Variants in ASPHD1 observed in about 807,000 individuals in gnomAD.
ASPHD1 encodes aspartate beta-hydroxylase domain-containing protein 1.
ASPHD1 carries 20 observed loss-of-function variants against 28.3 expected under a neutral mutation model. That is an observed-to-expected ratio of 0.71 (90% CI 0.50 to 1.03). The LOEUF is 1.03. ASPHD1 is among the 50% of genes least tolerant of loss of function. The probability of loss-of-function intolerance (pLI) is 0.00; values close to 1 mark genes in which losing one functional copy is unlikely to be tolerated. For synonymous variants in ASPHD1, 240 were observed against 221.2 expected, an observed-to-expected ratio of 1.08 and a Z score of -0.75; for missense variants, 479 against 524.1, an observed-to-expected ratio of 0.91 and a Z score of 0.84.
chr16:29,908,217 C>T (rs2068646575), downstream of ASPHD1, among the ~76,000 whole-genome samples: 1 of 152,032 alleles, frequency 6.6e-6, no homozygotes, highest in Non-Finnish European at 1.5e-5. Flanking sequence ...GTCAGGAGTG[C>T]ACCCAGTGTC....
At chr16:29,908,679 C>T (rs1459452108), downstream of ASPHD1, among the ~76,000 whole-genome samples, 2 of 149,084 alleles carry the variant, frequency 1.3e-5, no homozygotes, top group Admixed American at 6.7e-5. Context: ...CCACCATGCC[C>T]GGCCTTTTTT....
downstream of ASPHD1, chr16:29,906,173 A>G (rs1449427567): frequency 5.2e-6 from 1 of 193,998 alleles, no homozygotes; most frequent in Non-Finnish European, 9.5e-6. Context: ...TTGTAGAGTC[A>G]GGGTCTTGCT....
intron 2 of ASPHD1, among the ~76,000 whole-genome samples, chr16:29,905,581 T>C (rs529276128): frequency 6.9e-6 from 1 of 144,452 alleles, no homozygotes; most frequent in East Asian, 2.0e-4. Context: ...TGAGCCGAAA[T>C]TGCGCCACTG....
chr16:29,906,214 G>A (rs932632476), downstream of ASPHD1: 12 of 196,544 alleles, frequency 6.1e-5, no homozygotes, highest in Non-Finnish European at 1.0e-4. Flanking sequence ...GAACTCCTGG[G>A]CTCAAGTGAT....
intron 1 of ASPHD1, among the ~76,000 whole-genome samples, chr16:29,903,259 G>A (rs545355760): frequency 1.3e-4 from 20 of 151,962 alleles, no homozygotes; most frequent in Non-Finnish European, 2.6e-4. Flanking sequence ...GGGAGGCCGA[G>A]GCAGGAGAAT....
rs1421414480 is a variant in ASPHD1 at position 29,905,777 on chromosome 16, A to G, written c.1064-11A>G. The G allele has an allele frequency of 1.2e-6, 2 of 1,609,666 alleles. No homozygotes were observed. Among genetic ancestry groups the G allele is most frequent in the Non-Finnish European group, 1.7e-6 (2 of 1,176,612 alleles). ...TCAGTGGCTCTGCTGTTCCTGTCCC[A>G]TGTGCCCTAGGCTCCCCCGAAGATG... On this transcript the variant is annotated splice_polypyrimidine_tract_variant and intron_variant, in intron 2 of 2. Transcript: ENST00000308748.
At chr16:29,918,861 T>C (rs573000570) in intron 3 of ASPHD1, among the ~76,000 whole-genome samples, 38 of 152,296 alleles carry the variant, frequency 2.5e-4, no homozygotes, top group African/African-American at 8.4e-4. Flanking sequence ...GGTTTCACCA[T>C]GTTGGCCAGG....
chr16:29,905,101 G>A (rs572687413), intron 2 of ASPHD1, 136 bp downstream of exon 2: 1 of 616,780 alleles, frequency 1.6e-6, no homozygotes, highest in East Asian at 3.0e-5. Context: ...CCTTGAACAA[G>A]CCGCATAACT....
At position 29,905,613 on chromosome 16, in the gene ASPHD1, C is replaced by G. The variant is rs2068598450; in HGVS notation, c.1064-175C>G. 3.7e-5 allele frequency among the ~76,000 whole-genome samples: 4 copies of G among 108,976 alleles called. No homozygotes were observed. The South Asian group carries it at 1.2e-3, about 33-fold the overall frequency. The allele number at this position is 108,976 out of a possible 152,430, so 71.5% of individuals were successfully genotyped here. A position where few individuals can be genotyped will look rare whatever the true frequency, so the allele number is the denominator to read the frequency against. ...ACTGCACTCCAGCCTGGTGACAGAG[C>G]AAGACTCCATCTCAGGAAAAAAAAA... is the stretch of plus-strand genomic sequence containing the variant. On this transcript the variant is annotated intron_variant, in intron 2 of 2. Transcript: ENST00000308748.
intron 2 of ASPHD1, 127 bp from the exon 3 acceptor site, chr16:29,905,661 T>TTA: frequency 2.7e-6 from 1 of 374,896 alleles, no homozygotes; most frequent in Non-Finnish European, 4.9e-6. Flanking sequence ...AAAGATTTGA[T>TTA]ACATTTAAAG....
In ASPHD1 at chr16:29,901,782, G is replaced by C; in HGVS notation, c.811G>C (p.Ala271Pro). 1 of 1,558,382 alleles carries C rather than the reference G, an allele frequency of 6.4e-7. No homozygotes were observed. Among genetic ancestry groups the C allele is most frequent in the East Asian group, 2.3e-5 (1 of 43,776 alleles). ...QPSNCRRCPGAYRALRGLRSF... is the reference protein window; with the variant it reads ...QPSNCRRCPGPYRALRGLRSF... ...CAGCAACTGCCGCCGGTGCCCGGGGGCCTATCGGGCACTGAGGGGGCTTCG... is the reference window on the plus strand; with the variant it reads ...CAGCAACTGCCGCCGGTGCCCGGGGCCCTATCGGGCACTGAGGGGGCTTCG... The change falls in exon 1 of 3, where the codon GCC (alanine) becomes CCC (proline). Residue 271 changes from alanine to proline, a missense_variant. Transcript: ENST00000308748. This position sits in a 1 kb window ranked among gnomAD's most constrained non-coding sequence, Gnocchi z 5.1.
chr16:29,901,042 GA>G lies in ASPHD1; in HGVS notation c.73del (p.Met25CysfsTer42). On this transcript the variant is annotated frameshift_variant, in exon 1 of 3. Transcript: ENST00000308748. LOFTEE classifies it high-confidence loss of function. The surrounding 1 kb of genome is among the most constrained non-coding windows in gnomAD (Gnocchi z 5.1). ...AAGGAGAGAGAGACAGCCCAGAGTG[GA>G]ATGTGGAAGGGAAACAGTCCAGCGG... ...PRKERETAQS[G>X]MWKGNSPAGS... is the part of the protein sequence containing the mutation. 1 of 1,593,930 alleles carries G rather than the reference GA, an allele frequency of 6.3e-7. No individual in the cohort carries two copies. The highest frequency in any genetic ancestry group is 8.5e-7 in the Non-Finnish European group (1 of 1,169,830).
chr16:29,906,175 G>T, downstream of ASPHD1: 1 of 215,338 alleles, frequency 4.6e-6, no homozygotes. Flanking sequence ...GTAGAGTCAG[G>T]GTCTTGCTTT....
chr16:29,916,101 C>G (rs1456777081), intron 3 of ASPHD1, among the ~76,000 whole-genome samples: 2 of 152,192 alleles, frequency 1.3e-5, no homozygotes, highest in African/African-American at 4.8e-5. Context: ...ACCCTCCACA[C>G]TAATGCAGGA....
intron 2 of ASPHD1, 135 bp from the exon 3 acceptor site, chr16:29,905,653 A>AAT: frequency 2.5e-6 from 1 of 397,392 alleles, no homozygotes; most frequent in Non-Finnish European, 4.5e-6. Flanking sequence ...AAAAAAAAAA[A>AAT]GATTTGATAC....
intron 3 of ASPHD1, among the ~76,000 whole-genome samples, chr16:29,917,350 A>G (rs1293430817): frequency 2.6e-5 from 4 of 152,120 alleles, no homozygotes; most frequent in Non-Finnish European, 5.9e-5. Context: ...AAAAAAATCC[A>G]TATTTAAAAC....
intron 1 of ASPHD1, among the ~76,000 whole-genome samples, chr16:29,904,088 T>G (rs1334056685): frequency 6.6e-6 from 1 of 151,660 alleles, no homozygotes; most frequent in Non-Finnish European, 1.5e-5. Context: ...GGAGGATTGC[T>G]TGAGGCCAGG....
Position 29,901,240 on chromosome 16 carries a change from T to G in ASPHD1, c.269T>G (p.Leu90Arg). The G allele has an allele frequency of 6.2e-7, 1 of 1,613,652 alleles. No homozygotes were observed. Among genetic ancestry groups the G allele is most frequent in the Non-Finnish European group, 8.5e-7 (1 of 1,179,928 alleles). ...LTLLFGALTS[L>R]FLWYCYRLGS... ...TTGCTCTTCGGGGCCCTCACTTCCC[T>G]GTTCCTCTGGTACTGCTACCGCCTG... Residue 90 changes from leucine to arginine, a missense_variant, in exon 1 of 3, where the codon CTG (leucine) becomes CGG (arginine). Physicochemically the swap from Leu to Arg is moderately radical, Grantham distance 102 (BLOSUM62 -2). Transcript: ENST00000308748. This position sits in a 1 kb window ranked among gnomAD's most constrained non-coding sequence, Gnocchi z 5.1.
downstream of ASPHD1, among the ~76,000 whole-genome samples, chr16:29,909,334 A>T (rs183552310): frequency 6.6e-6 from 1 of 152,338 alleles, no homozygotes; most frequent in Non-Finnish European, 1.5e-5. Context: ...GTACAAGTTC[A>T]TTAGGCAGAT....
Sources: gnomAD v4.1 joint callset for allele counts (sites outside exome capture counted in the v4.1 genomes callset) on GRCh38, gnomAD v4.1.1 for gene constraint, Gnocchi (gnomAD v3.1) non-coding constraint, MANE v1.5 for transcripts, NCBI Gene and HGNC (gene_info 2026-07-23, HGNC 2026-07-21) for gene names.